COMP: variants seen among roughly 807,000 people sequenced by gnomAD.
The protein encoded by COMP is cartilage oligomeric matrix protein, also known as cartilage oligomeric matrix protein (pseudoachondroplasia, epiphyseal dysplasia 1, multiple).
COMP carries 79 observed loss-of-function variants against 95.8 expected under a neutral mutation model. The ratio of observed to expected loss-of-function variants is 0.82; its 90% CI spans 0.69 to 0.99. The LOEUF (loss-of-function observed/expected upper bound fraction) is 0.99. Among genes scored for constraint, COMP ranks in the 50% least tolerant of loss-of-function variants. The pLI is 0.00. For synonymous variants in COMP, 438 were observed against 433.9 expected (o/e 1.01, Z -0.12); for missense variants, 906 against 1,076.1 (o/e 0.84, Z 2.21).
Position 18,788,404 on chromosome 19 carries a change from A to G in COMP, c.867+6T>C. On this transcript the variant is annotated splice_donor_region_variant and intron_variant, in intron 8 of 18. Transcript: ENST00000222271. This position sits in a 1 kb window ranked among gnomAD's most constrained non-coding sequence, Gnocchi z 4.7. ...CCCAAGCCCGCCCCGCTCCGCCCCC[A>G]CCCACCTTACGGCACTGGCGCTCCG... 3.9e-6 allele frequency: 2 copies of G among 515,352 alleles called. No homozygotes were observed. Among genetic ancestry groups the G allele is most frequent in the African/African-American group, 3.2e-5 (1 of 31,230 alleles). The allele number at this position is 515,352 out of a possible 1,614,324, so 31.9% of individuals were successfully genotyped here.
chr19:18,787,439 G>C, intron 10 of COMP, 52 bp downstream of exon 10: 2 of 1,592,890 alleles, frequency 1.3e-6, no homozygotes, highest in Non-Finnish European at 1.7e-6. Flanking sequence ...GCCGAATCCC[G>C]CCCTTCGGTG....
At chr19:18,783,313 G>A in intron 17 of COMP, 120 bp from the exon 18 acceptor site, 4 of 1,409,288 alleles carry the variant, frequency 2.8e-6, no homozygotes, top group Non-Finnish European at 3.8e-6. Flanking sequence ...AGCAAGTGAG[G>A]CCTCTGCCTT....
In COMP at chr19:18,785,519, T is replaced by A; in HGVS notation, c.1696A>T (p.Ser566Cys). ...QGREIVQTMNSDPGLAVGYTA... is the reference protein window; with the variant it reads ...QGREIVQTMNCDPGLAVGYTA... Reference sequence around the variant, plus strand: ...TCACCCACAGCCAGGCCTGGGTCGCTGTTCATTGTCTGCACGATCTCCCTT... The same window carrying A: ...TCACCCACAGCCAGGCCTGGGTCGCAGTTCATTGTCTGCACGATCTCCCTT... Residue 566 changes from serine to cysteine, a missense_variant, in exon 15 of 19, where the codon AGC becomes TGC. Coordinates refer to ENST00000222271, the MANE Select transcript of COMP (RefSeq NM_000095.3). The A allele has an allele frequency of 6.2e-7, 1 of 1,613,958 alleles. No homozygotes were observed. The highest frequency in any genetic ancestry group is 8.5e-7 in the Non-Finnish European group (1 of 1,180,032).
Position 18,782,884 on chromosome 19 carries a change from G to A in COMP, c.*31C>T, listed in dbSNP as rs1378152493. On this transcript the variant is annotated 3_prime_UTR_variant, in exon 19 of 19. Coordinates refer to ENST00000222271, the MANE Select transcript of COMP (RefSeq NM_000095.3). ...CCCCCATCCAGCCGCGGTGAGGGTG[G>A]CTGTCATCCGGCGGGTCCTCACCCT... 1 of 1,608,502 alleles carries A rather than the reference G, an allele frequency of 6.2e-7. No individual in the cohort carries two copies.
At chr19:18,791,158 C>T (rs1212805661) in intron 1 of COMP, 33 bp downstream of exon 1, 3 of 1,559,714 alleles carry the variant, frequency 1.9e-6, no homozygotes, top group African/African-American at 1.4e-5. Flanking sequence ...GTTGTGGGGC[C>T]GTGGGCACGG....
chr19:18,783,361 C>T (rs1021890849), intron 17 of COMP, among the ~76,000 whole-genome samples, 168 bp from the exon 18 acceptor site: 1 of 152,214 alleles, frequency 6.6e-6, no homozygotes, highest in Non-Finnish European at 1.5e-5. Flanking sequence ...ATCAAGGGCC[C>T]TGGACATAGT....
rs768883872 is a variant in COMP at position 18,785,984 on chromosome 19, G to C, written c.1470C>G (p.Pro490=). The C allele has an allele frequency of 2.9e-5, 47 of 1,611,430 alleles. No individual in the cohort carries two copies. The highest frequency in any genetic ancestry group is 2.8e-5 in the Non-Finnish European group (33 of 1,179,530). Residue 490 remains proline, a synonymous_variant, in exon 13 of 19, where the codon CCC becomes CCG. Transcript: ENST00000222271. ...CCGTACTGTCCGCGTCCTCCTGGCCGGGGTTAGGCACCAGGCGGCAGTTGT... is the reference window on the plus strand; with the variant it reads ...CCGTACTGTCCGCGTCCTCCTGGCCCGGGTTAGGCACCAGGCGGCAGTTGT... ...SRDNCRLVPN[P]GQEDADRDGV...
rs1008231904 is a variant in COMP at position 18,787,407 on chromosome 19, A to G, written c.1135+84T>C. On this transcript the variant is annotated intron_variant, in intron 10 of 18. Coordinates refer to ENST00000222271, the MANE Select transcript of COMP (RefSeq NM_000095.3). ...CAGCTTACCCCATCCGGCTTCCAAA[A>G]CCAGCCAAGCCCCGCCCCGGAGCCG... 1.9e-6 allele frequency: 3 copies of G among 1,588,190 alleles called. No homozygotes were observed. In the Admixed American group the frequency reaches 5.0e-5, roughly 27 times the overall value.
intron 15 of COMP, 30 bp downstream of exon 15, chr19:18,785,468 G>C (rs777719687): frequency 1.9e-6 from 3 of 1,612,198 alleles, no homozygotes; most frequent in Non-Finnish European, 2.5e-6. Flanking sequence ...CCCGCTCCGT[G>C]GCAGGATAGC....
rs772168146 is a variant in COMP at position 18,789,993 on chromosome 19, G to C, written c.339C>G (p.Pro113=). 1.3e-5 allele frequency: 20 copies of C among 1,592,884 alleles called. No individual in the cohort carries two copies. In the African/African-American group the frequency reaches 2.5e-4, roughly 20 times the overall value. Residue 113 remains proline (P), a synonymous_variant, in exon 4 of 19, where the codon CCC becomes CCG. Transcript: ENST00000222271. The surrounding 1 kb of genome is among the most constrained non-coding windows in gnomAD (Gnocchi z 6.1). The stretch of plus-strand genomic sequence containing the variant: ...CGTTGCCCGTGAAGCCCGCGGGGCA[G>C]GGGCCGCAGCGCGCGCCGCTCTCCG... The part of the protein sequence containing the change: ...IQTESGARCG[P]CPAGFTGNGS...
In COMP at chr19:18,785,786, C is replaced by G. The variant is rs779933113; in HGVS notation, c.1555G>C (p.Val519Leu). 2 of 1,613,382 alleles carry G rather than the reference C, an allele frequency of 1.2e-6. No homozygotes were observed. Among genetic ancestry groups the G allele is most frequent in the Non-Finnish European group, 1.7e-6 (2 of 1,180,040 alleles). The change falls in exon 14 of 19, where the codon GTG becomes CTG. Residue 519 changes from valine to leucine, a missense_variant. Transcript: ENST00000222271. The stretch of plus-strand genomic sequence containing the variant: ...GTGACTTCAGCGTTCTCCGGACACA[C>G]GTCGATCTTGTCTACCACCTTGTCT... ...DADKVVDKID[V>L]CPENAEVTLT...
At position 18,791,191 on chromosome 19, in the gene COMP, C is replaced by T; in HGVS notation, c.79G>A (p.Gly27Ser). The change falls in exon 1 of 19, where the codon GGC becomes AGC. Residue 27 changes from glycine to serine, a missense_variant and splice_region_variant. Physicochemically the swap from Gly to Ser is moderately conservative, Grantham distance 56. Transcript: ENST00000222271. Reference protein sequence around the residue: ...GASGQGQSPLGSDLGPQMLRE... With the variant: ...GASGQGQSPLSSDLGPQMLRE... ...CGGCGCGGGTGCTAACGCGGCTTACCCAACGGGCTCTGGCCCTGTCCGGAC... is the reference window on the plus strand; with the variant it reads ...CGGCGCGGGTGCTAACGCGGCTTACTCAACGGGCTCTGGCCCTGTCCGGAC... The T allele has an allele frequency of 1.3e-6, 2 of 1,582,784 alleles. No individual in the cohort carries two copies. Among genetic ancestry groups the T allele is most frequent in the Non-Finnish European group, 1.7e-6 (2 of 1,166,056 alleles).
In COMP at chr19:18,790,873, C is replaced by A. The variant is rs1418225765; in HGVS notation, c.142G>T (p.Val48Leu). Reference protein sequence around the residue: ...LQETNAALQDVRELLRQQVRE... With the variant: ...LQETNAALQDLRELLRQQVRE... Reference sequence around the variant, plus strand: ...ACCTGCTGCCGCAGCAGCTCCCGCACGTCCTGCAGCGCCGCGTTGGTTTCC... The same window carrying A: ...ACCTGCTGCCGCAGCAGCTCCCGCAAGTCCTGCAGCGCCGCGTTGGTTTCC... The change falls in exon 2 of 19, where the codon GTG becomes TTG. Residue 48 changes from valine (V) to leucine (L), a missense_variant. By Grantham distance (32) the Val-to-Leu change is conservative. Transcript: ENST00000222271. 1.3e-6 allele frequency: 2 copies of A among 1,567,922 alleles called. No individual in the cohort carries two copies. Among genetic ancestry groups the A allele is most frequent in the Non-Finnish European group, 1.7e-6 (2 of 1,158,214 alleles).
chr19:18,784,452 AGGT>A lies in COMP; in HGVS notation c.1915-92_1915-90del, dbSNP rs2055150708. 6.6e-7 allele frequency: 1 copy of A among 1,515,202 alleles called. No individual in the cohort carries two copies. The highest frequency in any genetic ancestry group is 1.4e-5 in the African/African-American group (1 of 72,810). 93.9% of individuals were successfully genotyped at this position (1,515,202 alleles called of 1,614,324 possible). On this transcript the variant is annotated intron_variant, in intron 16 of 18. Coordinates refer to ENST00000222271, the MANE Select transcript of COMP (RefSeq NM_000095.3). The surrounding 1 kb of genome is among the most constrained non-coding windows in gnomAD (Gnocchi z 4.9). Reference sequence around the variant, plus strand: ...TCCTGGAGAGACAGTTGGGAGCAGCAGGTGGTGGGCGGCCAGGGGGATCCGGAT... The same window carrying A: ...TCCTGGAGAGACAGTTGGGAGCAGCAGGTGGGCGGCCAGGGGGATCCGGAT...
At chr19:18,790,991 A>T (rs2055209473) in intron 1 of COMP, 56 bp from the exon 2 acceptor site, 1 of 1,535,894 alleles carries the variant, frequency 6.5e-7, no homozygotes, top group South Asian at 1.2e-5. Context: ...CCCACCACCA[A>T]CTCCCACCGT....
intron 13 of COMP, 51 bp from the exon 14 acceptor site, chr19:18,785,902 T>C: frequency 6.2e-7 from 1 of 1,604,976 alleles, no homozygotes; most frequent in Non-Finnish European, 8.5e-7. Flanking sequence ...CCGCCCACCG[T>C]AGACCCCGCG....
At chr19:18,790,957 T>TG in intron 1 of COMP, 22 bp from the exon 2 acceptor site, 2 of 1,549,650 alleles carry the variant, frequency 1.3e-6, no homozygotes, top group Non-Finnish European at 1.7e-6. Context: ...GGGGACCTGG[T>TG]GAGGCGTCAT....
rs776503662 is a variant in COMP at position 18,790,119 on chromosome 19, G to T, written c.218-5C>A. 6.6e-7 allele frequency: 1 copy of T among 1,519,318 alleles called. No homozygotes were observed. The allele number at this position is 1,519,318 out of a possible 1,614,324, so 94.1% of individuals were successfully genotyped here. On this transcript the variant is annotated splice_polypyrimidine_tract_variant and splice_region_variant and intron_variant, in intron 3 of 18. Transcript: ENST00000222271. ...TGCGTACTGACTGCTGCATCCCTGCGGGGGGGAGGGGGGAGAAGCGGCGGG... is the reference window on the plus strand; with the variant it reads ...TGCGTACTGACTGCTGCATCCCTGCTGGGGGGAGGGGGGAGAAGCGGCGGG...
Position 18,784,477 on chromosome 19 carries a change from G to A in COMP, c.1915-114C>T, listed in dbSNP as rs2055150977. 6 of 1,241,788 alleles carry A rather than the reference G, an allele frequency of 4.8e-6. No homozygotes were observed. Among genetic ancestry groups the A allele is most frequent in the Non-Finnish European group, 5.8e-6 (5 of 865,870 alleles). The allele number at this position is 1,241,788 out of a possible 1,614,324, so 76.9% of individuals were successfully genotyped here. A position where few individuals can be genotyped will look rare whatever the true frequency, so the allele number is the denominator to read the frequency against. ...AGGTGGTGGGCGGCCAGGGGGATCC[G>A]GATGAGAGACCCACAAGGAAGCCTT... On this transcript the variant is annotated intron_variant, in intron 16 of 18. Transcript: ENST00000222271. This position sits in a 1 kb window ranked among gnomAD's most constrained non-coding sequence, Gnocchi z 4.9.
Sources: allele counts gnomAD v4.1 joint callset (sites outside exome capture counted in the v4.1 genomes callset), GRCh38; gene constraint gnomAD v4.1.1; non-coding constraint Gnocchi (gnomAD v3.1); transcripts MANE v1.5; gene names NCBI Gene and HGNC (gene_info 2026-07-23, HGNC 2026-07-21).